Variants in RABEPK observed in about 807,000 individuals in gnomAD.
RABEPK encodes Rab9 effector protein with kelch motifs, also known as 40 kDa Rab9 effector protein.
RABEPK carries 27 observed loss-of-function variants against 34.1 expected under a neutral mutation model. That is an observed-to-expected ratio of 0.79 (90% CI 0.58 to 1.09). The LOEUF (loss-of-function observed/expected upper bound fraction) is 1.09. Ranked by LOEUF, RABEPK falls within the 50% of genes least tolerant of loss-of-function variation. The pLI is 0.00. For synonymous variants in RABEPK, 172 were observed against 169.2 expected, an observed-to-expected ratio of 1.02 and a Z score of -0.13; for missense variants, 449 against 462.6, an observed-to-expected ratio of 0.97 and a Z score of 0.27.
chr9:125,223,097 T>C (rs988795435), intron 5 of RABEPK, among the ~76,000 whole-genome samples: 5 of 152,112 alleles, frequency 3.3e-5, no homozygotes, highest in African/African-American at 1.2e-4. Flanking sequence ...CTGGCCAAGA[T>C]GGTGAAACCC....
Position 125,220,645 on chromosome 9 carries a change from C to T in RABEPK, c.471C>T (p.Gly157=), listed in dbSNP as rs1045383. The T allele has an allele frequency of 1.1e-5, 17 of 1,613,972 alleles. No individual in the cohort carries two copies. Among genetic ancestry groups the T allele is most frequent in the Admixed American group, 6.7e-5 (4 of 59,968 alleles). Residue 157 remains glycine, a synonymous_variant, in exon 5 of 8, where the codon GGC becomes GGT. Coordinates refer to ENST00000373538, the MANE Select transcript of RABEPK (RefSeq NM_005833.4). ...AIGNQLYVFG[G]GERGAQPVQD... ...GAAACCAGCTATATGTCTTTGGGGG[C>T]GGAGAGAGAGGTGCCCAGCCCGTGC...
intron 4 of RABEPK, 149 bp downstream of exon 4, chr9:125,213,671 T>G: frequency 1.4e-6 from 1 of 717,972 alleles, no homozygotes; most frequent in Admixed American, 3.3e-5. Context: ...AATAGGAATT[T>G]TAACTTGTAG....
At chr9:125,232,806 G>C (rs76635123) in intron 7 of RABEPK, 61 bp downstream of exon 7, 2 of 1,520,178 alleles carry the variant, frequency 1.3e-6, no homozygotes, top group Admixed American at 1.8e-5. Flanking sequence ...AACGTGATGC[G>C]GTGGCTCACG....
chr9:125,207,617 G>C lies in RABEPK; in HGVS notation c.107G>C (p.Cys36Ser). ...DSPCARVGHS[C>S]SYLPPVGNAK... ...CCCTGTGCTCGAGTTGGCCACAGCTGTTCATATTTACCCCCAGTTGGTAAT... is the reference window on the plus strand; with the variant it reads ...CCCTGTGCTCGAGTTGGCCACAGCTCTTCATATTTACCCCCAGTTGGTAAT... Residue 36 changes from cysteine (C) to serine (S), a missense_variant, in exon 3 of 8, where the codon TGT (cysteine) becomes TCT (serine). By Grantham distance (112) the Cys-to-Ser change is moderately radical. Coordinates refer to ENST00000373538, the MANE Select transcript of RABEPK (RefSeq NM_005833.4). 6.2e-7 allele frequency: 1 copy of C among 1,614,122 alleles called. No homozygotes were observed. The highest frequency in any genetic ancestry group is 8.5e-7 in the Non-Finnish European group (1 of 1,179,990).
In RABEPK at chr9:125,200,918, C is replaced by A; in HGVS notation, c.-7+12C>A. The A allele has an allele frequency of 2.2e-6, 1 of 461,798 alleles. No homozygotes were observed. The highest frequency in any genetic ancestry group is 4.5e-6 in the Non-Finnish European group (1 of 222,022). The allele number at this position is 461,798 out of a possible 1,614,324, so 28.6% of individuals were successfully genotyped here. ...GGCCTAGGCCGCAGGTGAGATTTATCCATTCATCTCTCAATCTATTTTCTT... is the reference window on the plus strand; with the variant it reads ...GGCCTAGGCCGCAGGTGAGATTTATACATTCATCTCTCAATCTATTTTCTT... On this transcript the variant is annotated intron_variant, in intron 1 of 7. Coordinates refer to ENST00000373538, the MANE Select transcript of RABEPK (RefSeq NM_005833.4).
rs201812270 is a variant in RABEPK, at chr9:125,203,030, T to A, written c.17T>A (p.Val6Asp). MKQLP[V>D]LEPGDKPRKA... is the part of the protein sequence containing the mutation. Reference sequence around the variant, plus strand: ...TAGGACACCATGAAGCAACTGCCAGTCTTGGAACCTGGAGACAAGCCCAGG... The same window carrying A: ...TAGGACACCATGAAGCAACTGCCAGACTTGGAACCTGGAGACAAGCCCAGG... The change falls in exon 2 of 8, where the codon GTC becomes GAC. Residue 6 changes from valine to aspartate, a missense_variant. Coordinates refer to ENST00000373538, the MANE Select transcript of RABEPK (RefSeq NM_005833.4). 7 of 1,613,716 alleles carry A rather than the reference T, an allele frequency of 4.3e-6. No homozygotes were observed. The East Asian group carries it at 1.3e-4, about 31-fold the overall frequency.
At chr9:125,231,782 G>A (rs1434194629) in intron 6 of RABEPK, among the ~76,000 whole-genome samples, 1 of 151,190 alleles carries the variant, frequency 6.6e-6, no homozygotes, top group Non-Finnish European at 1.5e-5. Flanking sequence ...GAAAAAAAAA[G>A]AATAAGAAAG....
chr9:125,228,206 C>T (rs1831907499), intron 6 of RABEPK, 147 bp downstream of exon 6: 2 of 595,486 alleles, frequency 3.4e-6, no homozygotes, highest in African/African-American at 1.9e-5. Flanking sequence ...AGTAATCCTC[C>T]TACCTCATCC....
intron 4 of RABEPK, among the ~76,000 whole-genome samples, chr9:125,216,468 C>A (rs1830933045): frequency 6.6e-6 from 1 of 151,072 alleles, no homozygotes; most frequent in African/African-American, 2.4e-5. Context: ...GGAACTAGGA[C>A]CAAATTTTCT....
At chr9:125,231,988 C>T (rs1432519093) in intron 6 of RABEPK, among the ~76,000 whole-genome samples, 1 of 150,132 alleles carries the variant, frequency 6.7e-6, no homozygotes. Context: ...CAACCTCCGC[C>T]TCCCAGGTTC....
intron 3 of RABEPK, among the ~76,000 whole-genome samples, chr9:125,210,994 G>C (rs1235493942): frequency 1.3e-5 from 2 of 150,276 alleles, no homozygotes; most frequent in African/African-American, 2.4e-5. Context: ...CAGCACTTTG[G>C]GAGGCCGAGG....
intron 1 of RABEPK, among the ~76,000 whole-genome samples, chr9:125,201,472 C>A (rs1829899013): frequency 6.6e-6 from 1 of 152,204 alleles, no homozygotes; most frequent in Non-Finnish European, 1.5e-5. Context: ...TATTTCTCAG[C>A]TTCTTTAAAT....
At chr9:125,230,767 C>A (rs569510067) in intron 6 of RABEPK, among the ~76,000 whole-genome samples, 6 of 151,270 alleles carry the variant, frequency 4.0e-5, no homozygotes, top group African/African-American at 1.2e-4. Flanking sequence ...AATCTCCTGA[C>A]CTTGTGATCC....
chr9:125,224,765 T>C (rs1189636381), intron 5 of RABEPK, among the ~76,000 whole-genome samples: 1 of 152,158 alleles, frequency 6.6e-6, no homozygotes, highest in Non-Finnish European at 1.5e-5. Flanking sequence ...GTATTGTCTG[T>C]ATCCTTATTT....
chr9:125,209,629 C>T (rs767436889), intron 3 of RABEPK, among the ~76,000 whole-genome samples: 19 of 152,256 alleles, frequency 1.2e-4, no homozygotes, highest in Non-Finnish European at 2.6e-4. Context: ...GGATTACAGG[C>T]GTGAGCCACC....
Position 125,220,580 on chromosome 9 carries a change from C to T in RABEPK, c.406C>T (p.Pro136Ser), listed in dbSNP as rs200820954. The change falls in exon 5 of 8, where the codon CCA becomes TCA. Residue 136 changes from proline (P) to serine (S), a missense_variant. Physicochemically the swap from Pro to Ser is moderately conservative, Grantham distance 74. Transcript: ENST00000373538. ...CACGCCAGAAGTGACCAGCCCCCCA[C>T]CATCCCCAAGAACATTCCACACATC... Reference protein sequence around the residue: ...WTTPEVTSPPPSPRTFHTSSA... With the variant: ...WTTPEVTSPPSSPRTFHTSSA... 4 of 1,614,044 alleles carry T rather than the reference C, an allele frequency of 2.5e-6. No individual in the cohort carries two copies. In the African/African-American group the frequency reaches 4.0e-5, roughly 16 times the overall value.
At chr9:125,220,861 T>C (rs1831283493) in intron 5 of RABEPK, 161 bp downstream of exon 5, 1 of 1,020,460 alleles carries the variant, frequency 9.8e-7, no homozygotes, top group Non-Finnish European at 1.3e-6. Flanking sequence ...CACAGCAAAA[T>C]TGGCATTTAA....
chr9:125,203,033 T>C lies in RABEPK; in HGVS notation c.20T>C (p.Leu7Ser), dbSNP rs1830004534. ...GACACCATGAAGCAACTGCCAGTCT[T>C]GGAACCTGGAGACAAGCCCAGGAAA... Reference protein sequence around the residue: MKQLPVLEPGDKPRKAT... With the variant: MKQLPVSEPGDKPRKAT... Residue 7 changes from leucine (L) to serine (S), a missense_variant, in exon 2 of 8, where the codon TTG (leucine) becomes TCG (serine). By Grantham distance (145) the Leu-to-Ser change is moderately radical (BLOSUM62 -2). Coordinates refer to ENST00000373538, the MANE Select transcript of RABEPK (RefSeq NM_005833.4). 6.2e-7 allele frequency: 1 copy of C among 1,613,602 alleles called. No individual in the cohort carries two copies. Among genetic ancestry groups the C allele is most frequent in the Non-Finnish European group, 8.5e-7 (1 of 1,179,782 alleles).
chr9:125,201,126 T>C (rs1235262775), intron 1 of RABEPK, among the ~76,000 whole-genome samples: 1 of 152,202 alleles, frequency 6.6e-6, no homozygotes, highest in Non-Finnish European at 1.5e-5. Context: ...TGATGGCTAA[T>C]ACCTTCAGAG....
Sources: gnomAD v4.1 joint callset for allele counts (sites outside exome capture counted in the v4.1 genomes callset) on GRCh38, gnomAD v4.1.1 for gene constraint, MANE v1.5 for transcripts, NCBI Gene and HGNC (gene_info 2026-07-23, HGNC 2026-07-21) for gene names.